Variants in CHODL observed in about 807,000 individuals in gnomAD.
CHODL encodes the protein transmembrane protein MT75.
A neutral mutation model predicts 34.5 loss-of-function variants in CHODL; 29 were observed. The observed-to-expected ratio is 0.84, with a 90% confidence interval of 0.63 to 1.15. CHODL has a LOEUF of 1.15. Ranked by LOEUF, CHODL falls within the 50% of genes most tolerant of loss-of-function variation. The pLI is 0.00. For missense variants in CHODL, 332 were observed against 332.5 expected (o/e 1.00, Z 0.01); for synonymous variants, 125 against 116.1 (o/e 1.08, Z -0.49).
chr21:17,942,368 G>A (rs2063372084), intron 1 of CHODL, among the ~76,000 whole-genome samples: 1 of 152,112 alleles, frequency 6.6e-6, no homozygotes, highest in African/African-American at 2.4e-5. Context: ...TAGTGAATAA[G>A]TTTTATGAGA....
intron 2 of CHODL, among the ~76,000 whole-genome samples, chr21:18,217,617 C>G (rs2073843143): frequency 6.6e-6 from 1 of 152,112 alleles, no homozygotes; most frequent in Admixed American, 6.6e-5. Flanking sequence ...TGGCCCCTCT[C>G]AAATATCATA....
chr21:18,230,797 G>A (rs987725493), intron 2 of CHODL, among the ~76,000 whole-genome samples: 18 of 152,086 alleles, frequency 1.2e-4, no homozygotes, highest in South Asian at 2.1e-4. Context: ...AGCAATCATA[G>A]TTATAATGCT....
chr21:18,142,066 A>G (rs905416759), intron 2 of CHODL, among the ~76,000 whole-genome samples: 9 of 152,178 alleles, frequency 5.9e-5, no homozygotes, highest in African/African-American at 2.2e-4. Flanking sequence ...CTTTTTGTCA[A>G]TAAAACAAAA....
At chr21:18,135,111 C>T (rs2072704750) in intron 2 of CHODL, among the ~76,000 whole-genome samples, 1 of 152,152 alleles carries the variant, frequency 6.6e-6, no homozygotes, top group African/African-American at 2.4e-5. Context: ...GTAAATGGCA[C>T]TCTCTATCTC....
chr21:18,093,656 G>T (rs1464432019), intron 2 of CHODL, among the ~76,000 whole-genome samples: 3 of 152,116 alleles, frequency 2.0e-5, no homozygotes, highest in Admixed American at 6.6e-5. Context: ...GTGTTAAGTT[G>T]TCATCAGTTT....
intron 2 of CHODL, among the ~76,000 whole-genome samples, chr21:18,206,449 A>G (rs1440087884): frequency 6.6e-6 from 1 of 152,066 alleles, no homozygotes; most frequent in African/African-American, 2.4e-5. Context: ...ATTTAAGTAT[A>G]TCTACTTCTG....
chr21:18,052,024 T>G (rs1187938253), intron 2 of CHODL, among the ~76,000 whole-genome samples: 1 of 151,942 alleles, frequency 6.6e-6, no homozygotes, highest in Non-Finnish European at 1.5e-5. Flanking sequence ...AAAATCAGAT[T>G]AGCTGTTTTG....
intron 2 of CHODL, among the ~76,000 whole-genome samples, chr21:18,191,416 C>A (rs1377229399): frequency 6.6e-6 from 1 of 152,194 alleles, no homozygotes; most frequent in African/African-American, 2.4e-5. Flanking sequence ...GTTGCCAGGG[C>A]TCTGCAAGGT....
intron 2 of CHODL, among the ~76,000 whole-genome samples, chr21:18,237,168 TTGTC>T (rs2074036111): frequency 6.6e-6 from 1 of 152,098 alleles, no homozygotes; most frequent in Non-Finnish European, 1.5e-5. Context: ...AATTAGTACT[TTGTC>T]AGGCAACACA....
At chr21:18,023,599 G>C (rs1292707675) in intron 1 of CHODL, among the ~76,000 whole-genome samples, 1 of 152,114 alleles carries the variant, frequency 6.6e-6, no homozygotes, top group Non-Finnish European at 1.5e-5. Context: ...GGCAGGCACG[G>C]TGCCTCATAC....
intron 2 of CHODL, among the ~76,000 whole-genome samples, chr21:18,113,125 C>G (rs1177405927): frequency 6.6e-6 from 1 of 152,082 alleles, no homozygotes; most frequent in Non-Finnish European, 1.5e-5. Context: ...ATGGACATTT[C>G]TCAAAAGAAG....
rs112145630 is a variant in CHODL at position 17,932,115 on chromosome 21, A to G, written c.-145+14715A>G. On this transcript the variant is annotated intron_variant, in intron 1 of 6. Transcript: ENST00000400127. ...CTCAAGCAACTCTACAACAACAACA[A>G]TGACAAACAACCATATTAAAAAGTG... 2.6e-4 allele frequency among the ~76,000 whole-genome samples: 40 copies of G among 152,212 alleles called. 2 individuals are homozygous for G. The highest frequency in any genetic ancestry group is 9.4e-4 in the African/African-American group (39 of 41,512).
intron 2 of CHODL, among the ~76,000 whole-genome samples, chr21:18,065,042 G>A (rs2064714714): frequency 6.6e-6 from 1 of 152,194 alleles, no homozygotes; most frequent in Non-Finnish European, 1.5e-5. Context: ...AATGGTGGTT[G>A]CACTACCATC....
chr21:18,140,377 A>G (rs950756806), intron 2 of CHODL, among the ~76,000 whole-genome samples: 2 of 152,150 alleles, frequency 1.3e-5, no homozygotes, highest in Non-Finnish European at 2.9e-5. Flanking sequence ...ATATGATGTA[A>G]TTTTATATAA....
chr21:17,973,517 C>T (rs572138298), intron 1 of CHODL, among the ~76,000 whole-genome samples: 8 of 150,454 alleles, frequency 5.3e-5, no homozygotes, highest in East Asian at 2.0e-4. Flanking sequence ...TCCGAGTTCA[C>T]GCCATTCTCC....
Position 17,964,935 on chromosome 21 carries a change from T to C in CHODL, c.-145+47535T>C, listed in dbSNP as rs78675580. The stretch of plus-strand genomic sequence containing the variant: ...GTTTAGTACTTTCCTTTGTTGCATA[T>C]AGACAAATAAAATAGAAGCCAAGAA... On this transcript the variant is annotated intron_variant, in intron 1 of 6. Coordinates refer to the CHODL transcript ENST00000400127. Among the ~76,000 whole-genome samples, 13 of 152,278 alleles carry C rather than the reference T, an allele frequency of 8.5e-5. No homozygotes were observed. The East Asian group carries it at 2.5e-3, about 29-fold the overall frequency.
chr21:18,171,198 G>GTTCTTTT (rs1333481522), intron 2 of CHODL, among the ~76,000 whole-genome samples: 1 of 37,064 alleles, frequency 2.7e-5, no homozygotes, highest in African/African-American at 1.4e-4. Context: ...GTTTTCTTTA[G>GTTCTTTT]TTTTTTTTTT....
At chr21:18,142,850 T>C (rs1480231270) in intron 2 of CHODL, among the ~76,000 whole-genome samples, 1 of 152,166 alleles carries the variant, frequency 6.6e-6, no homozygotes, top group African/African-American at 2.4e-5. Context: ...AGTTGACTGA[T>C]TGACTGGGAT....
chr21:17,933,899 C>T (rs1045247437), intron 1 of CHODL, among the ~76,000 whole-genome samples: 3 of 151,984 alleles, frequency 2.0e-5, no homozygotes, highest in Admixed American at 6.6e-5. Flanking sequence ...ATTAGCTGGG[C>T]ATGGTGGCAT....
Sources: gnomAD v4.1 joint callset for allele counts (sites outside exome capture counted in the v4.1 genomes callset) on GRCh38, gnomAD v4.1.1 for gene constraint, MANE v1.5 for transcripts, NCBI Gene and HGNC (gene_info 2026-07-23, HGNC 2026-07-21) for gene names.